The following SVIP variants were observed in gnomAD, a reference collection of about 807,000 sequenced individuals.
SVIP encodes the protein small VCP interacting protein.
A neutral mutation model predicts 12.9 loss-of-function variants in SVIP; 14 were observed. That is an observed-to-expected ratio of 1.08 (90% confidence interval 0.72 to 1.70). SVIP has a LOEUF of 1.70. SVIP is among the 40% of genes most tolerant of loss of function. The probability of loss-of-function intolerance (pLI) is 0.00; values close to 1 mark genes in which losing one functional copy is unlikely to be tolerated. For missense variants in SVIP, 93 were observed against 90.8 expected (o/e 1.02, Z -0.10); for synonymous variants, 35 against 33.3 (o/e 1.05, Z -0.17).
intron 1 of SVIP, among the ~76,000 whole-genome samples, chr11:22,828,330 C>A (rs957628295): frequency 4.6e-5 from 7 of 152,108 alleles, no homozygotes; most frequent in African/African-American, 1.4e-4. Context: ...TGTTCCATAT[C>A]AGAAAACAGT....
At position 22,827,757 on chromosome 11, in the gene SVIP, G is replaced by T. The variant is rs909696189; in HGVS notation, c.105+67C>A. ...ATTTGCGTTAGAAAATCTAGCTATG[G>T]ACATCTATGAAGAATAAAGTCCAAA... On this transcript the variant is annotated intron_variant, in intron 2 of 3. Coordinates refer to ENST00000354193, the MANE Select transcript of SVIP (RefSeq NM_148893.3). 2.6e-5 allele frequency: 33 copies of T among 1,283,702 alleles called. No homozygotes were observed. In the South Asian group the frequency reaches 4.7e-4, roughly 18 times the overall value. 79.5% of individuals were successfully genotyped at this position (1,283,702 alleles called of 1,614,324 possible).
At position 22,827,248 on chromosome 11, in the gene SVIP, GT is replaced by G. The variant is rs773285277; in HGVS notation, c.177del (p.Lys59AsnfsTer22). ...EKRKKKEKIE[K>X]QIATSGPPPE... The stretch of plus-strand genomic sequence containing the variant: ...GGTGGGGGCCCGGATGTAGCAATTT[GT>G]TTTTCTATTTTTTCCTTTTTCTTTC... On this transcript the variant is annotated frameshift_variant, in exon 3 of 4. Coordinates refer to ENST00000354193, the MANE Select transcript of SVIP (RefSeq NM_148893.3). LOFTEE classifies it high-confidence loss of function. 2 of 1,609,900 alleles carry G rather than the reference GT, an allele frequency of 1.2e-6. No homozygotes were observed. The highest frequency in any genetic ancestry group is 1.7e-6 in the Non-Finnish European group (2 of 1,178,484).
At position 22,822,047 on chromosome 11, in the gene SVIP, C is replaced by G. The variant is rs1173586380; in HGVS notation, c.*1072G>C. On this transcript the variant is annotated 3_prime_UTR_variant, in exon 4 of 4. Transcript: ENST00000354193. The stretch of plus-strand genomic sequence containing the variant: ...TGGCCTTGCCATTTAAAAGAGCTAT[C>G]AGCCTTAATAGCTAACACAAATTCT... The G allele has an allele frequency of 2.0e-5, 3 of 152,124 alleles. No homozygotes were observed. Among genetic ancestry groups the G allele is most frequent in the Non-Finnish European group, 4.4e-5 (3 of 67,988 alleles). The allele number at this position is 152,124 out of a possible 1,614,324, so 9.4% of individuals were successfully genotyped here. A position where few individuals can be genotyped will look rare whatever the true frequency, so the allele number is the denominator to read the frequency against.
At chr11:22,829,540 A>T in intron 1 of SVIP, 155 bp downstream of exon 1, 1 of 690,316 alleles carries the variant, frequency 1.4e-6, no homozygotes, top group South Asian at 2.0e-5. Context: ...ACAGGACCCA[A>T]CGACCCTCCT....
At position 22,820,045 on chromosome 11, in the gene SVIP, G is replaced by C. The variant is rs1033988867; in HGVS notation, c.*3074C>G. The C allele has an allele frequency of 5.3e-5, 8 of 152,162 alleles. No homozygotes were observed. The highest frequency in any genetic ancestry group is 8.8e-5 in the Non-Finnish European group (6 of 68,024). 9.4% of individuals were successfully genotyped at this position (152,162 alleles called of 1,614,324 possible). A position where few individuals can be genotyped will look rare whatever the true frequency, so the allele number is the denominator to read the frequency against. On this transcript the variant is annotated 3_prime_UTR_variant, in exon 4 of 4. Coordinates refer to ENST00000354193, the MANE Select transcript of SVIP (RefSeq NM_148893.3). ...CAAATGCCTTGTGTCTGTAGCTTTT[G>C]AGAAAATTGAAGAAAAAAGCCACAA...
rs375044826 is a variant in SVIP at position 22,825,513 on chromosome 11, A to G, written c.219+1694T>C. Reference sequence around the variant, plus strand: ...ATCCTCCTGCCACTATATAGTTTCAAGGTCCTGAAGGTCATTTTTACTAAG... The same window carrying G: ...ATCCTCCTGCCACTATATAGTTTCAGGGTCCTGAAGGTCATTTTTACTAAG... On this transcript the variant is annotated intron_variant, in intron 3 of 3. Coordinates refer to ENST00000354193, the MANE Select transcript of SVIP (RefSeq NM_148893.3). 1.8e-4 allele frequency among the ~76,000 whole-genome samples: 28 copies of G among 152,326 alleles called. No homozygotes were observed. In the South Asian group the frequency reaches 5.8e-3, roughly 32 times the overall value.
chr11:22,829,153 T>A (rs1203389049), intron 1 of SVIP: 1 of 152,290 alleles, frequency 6.6e-6, no homozygotes, highest in Non-Finnish European at 1.5e-5. Flanking sequence ...GTACTACATA[T>A]TCTTTTAAAG....
chr11:22,829,710 A>G lies in SVIP; in HGVS notation c.39T>C (p.Pro13=), dbSNP rs747522888. The change falls in exon 1 of 4, where the codon CCT becomes CCC. Residue 13 remains proline, a synonymous_variant. Coordinates refer to ENST00000354193, the MANE Select transcript of SVIP (RefSeq NM_148893.3). ...LCFPCPGESA[P]PTPDLEEKRA... Reference sequence around the variant, plus strand: ...CTCTACTCACCAGGTCCGGCGTGGGAGGCGCGGACTCCCCGGGACAAGGAA... The same window carrying G: ...CTCTACTCACCAGGTCCGGCGTGGGGGGCGCGGACTCCCCGGGACAAGGAA... The G allele has an allele frequency of 7.5e-6, 12 of 1,605,594 alleles. No individual in the cohort carries two copies. The Admixed American group carries it at 2.0e-4, about 27-fold the overall frequency.
intron 1 of SVIP, among the ~76,000 whole-genome samples, chr11:22,828,411 G>T (rs1381982624): frequency 6.6e-6 from 1 of 152,170 alleles, no homozygotes; most frequent in African/African-American, 2.4e-5. Flanking sequence ...ATACAACAGT[G>T]TAAAAACATA....
chr11:22,821,530 G>C lies in SVIP; in HGVS notation c.*1589C>G, dbSNP rs1479255693. The C allele has an allele frequency of 6.6e-6, 1 of 152,036 alleles. No homozygotes were observed. The highest frequency in any genetic ancestry group is 2.4e-5 in the African/African-American group (1 of 41,384). The allele number at this position is 152,036 out of a possible 1,614,324, so 9.4% of individuals were successfully genotyped here. ...ATGTAGTAAAGACAAAATTGTTCTT[G>C]CTATATTAAAATGGAAGAAAGGATT... On this transcript the variant is annotated 3_prime_UTR_variant, in exon 4 of 4. Coordinates refer to ENST00000354193, the MANE Select transcript of SVIP (RefSeq NM_148893.3).
intron 3 of SVIP, among the ~76,000 whole-genome samples, chr11:22,824,342 C>T (rs1403097366): frequency 6.6e-6 from 1 of 151,246 alleles, no homozygotes; most frequent in Non-Finnish European, 1.5e-5. Context: ...TCCTGAAGAG[C>T]CATTAGGATA....
chr11:22,828,466 CACAG>C (rs1290380201), intron 1 of SVIP, among the ~76,000 whole-genome samples: 7 of 152,106 alleles, frequency 4.6e-5, no homozygotes, highest in Non-Finnish European at 1.0e-4. Flanking sequence ...ATTGCGGGCG[CACAG>C]ACAAATATAA....
rs1376001880 is a variant in SVIP, at chr11:22,820,971, G to A, written c.*2148C>T. 6 of 151,492 alleles carry A rather than the reference G, an allele frequency of 4.0e-5. No homozygotes were observed. The highest frequency in any genetic ancestry group is 7.4e-5 in the Non-Finnish European group (5 of 67,910). 9.4% of individuals were successfully genotyped at this position (151,492 alleles called of 1,614,324 possible). On this transcript the variant is annotated 3_prime_UTR_variant, in exon 4 of 4. Transcript: ENST00000354193. ...CCTAAATTATTTACTATGGGAAATT[G>A]GCTTCCACTTAAGGTTTTCATAGAA...
In SVIP at chr11:22,819,849, A is replaced by C. The variant is rs752872016; in HGVS notation, c.*3270T>G. 1 of 152,266 alleles carries C rather than the reference A, an allele frequency of 6.6e-6. No individual in the cohort carries two copies. The allele number at this position is 152,266 out of a possible 1,614,324, so 9.4% of individuals were successfully genotyped here. On this transcript the variant is annotated 3_prime_UTR_variant, in exon 4 of 4. Transcript: ENST00000354193. ...AAAAAAGTATGATATCCACAGGAGT[A>C]ATGTATGAATACTTAATTTGTAGGC...
In SVIP at chr11:22,821,328, G is replaced by A. The variant is rs1857479071; in HGVS notation, c.*1791C>T. The A allele has an allele frequency of 6.6e-6, 1 of 151,792 alleles. No individual in the cohort carries two copies. Among genetic ancestry groups the A allele is most frequent in the Non-Finnish European group, 1.5e-5 (1 of 67,986 alleles). The allele number at this position is 151,792 out of a possible 1,614,324, so 9.4% of individuals were successfully genotyped here. ...TTGGAGAAAGCTGATCACACTCACG[G>A]TGACAGGCCATGGTTGGAAGTAACA... is the stretch of plus-strand genomic sequence containing the variant. On this transcript the variant is annotated 3_prime_UTR_variant, in exon 4 of 4. Transcript: ENST00000354193.
intron 3 of SVIP, among the ~76,000 whole-genome samples, chr11:22,824,815 C>G (rs914194637): frequency 1.3e-5 from 2 of 151,468 alleles, no homozygotes; most frequent in South Asian, 4.2e-4. Context: ...TGGCTAAACC[C>G]TACTCTCAGA....
Position 22,819,920 on chromosome 11 carries a change from C to T in SVIP, c.*3199G>A, listed in dbSNP as rs568413513. 2 of 152,232 alleles carry T rather than the reference C, an allele frequency of 1.3e-5. No individual in the cohort carries two copies. Among genetic ancestry groups the T allele is most frequent in the South Asian group, 4.1e-4 (2 of 4,826 alleles). 9.4% of individuals were successfully genotyped at this position (152,232 alleles called of 1,614,324 possible). The stretch of plus-strand genomic sequence containing the variant: ...TCAATATTTGCAAGATGAAGCATAA[C>T]TAGAAGAGGGAGACTAGAACAATAA... On this transcript the variant is annotated 3_prime_UTR_variant, in exon 4 of 4. Coordinates refer to ENST00000354193, the MANE Select transcript of SVIP (RefSeq NM_148893.3).
At chr11:22,828,169 T>C (rs531700760) in intron 1 of SVIP, among the ~76,000 whole-genome samples, 3 of 152,284 alleles carry the variant, frequency 2.0e-5, no homozygotes, top group African/African-American at 7.2e-5. Context: ...CAAATAATGT[T>C]TACAAATACA....
At chr11:22,829,071 T>C (rs1694738656) in intron 1 of SVIP, among the ~76,000 whole-genome samples, 1 of 152,194 alleles carries the variant, frequency 6.6e-6, no homozygotes. Flanking sequence ...GTATTCCTTG[T>C]ATATCTGAAA....
Sources: gnomAD v4.1 joint callset for allele counts (sites outside exome capture counted in the v4.1 genomes callset) on GRCh38, gnomAD v4.1.1 for gene constraint, MANE v1.5 for transcripts, NCBI Gene and HGNC (gene_info 2026-07-23, HGNC 2026-07-21) for gene names.